The following PIK3C3 variants were observed in gnomAD, a reference collection of about 807,000 sequenced individuals.
PIK3C3 encodes PI3-kinase type 3.
In PIK3C3, 95 loss-of-function variants were observed where a neutral mutation model predicts 126.1. The observed-to-expected ratio is 0.75, with a 90% CI of 0.64 to 0.89. The LOEUF is 0.89. Among genes scored for constraint, PIK3C3 ranks in the 40% least tolerant of loss-of-function variants. The probability of loss-of-function intolerance (pLI) is 0.00; values close to 1 mark genes in which losing one functional copy is unlikely to be tolerated. For missense variants in PIK3C3, 829 were observed against 1,063.2 expected (o/e 0.78, Z 3.06); for synonymous variants, 374 against 360.0 (o/e 1.04, Z -0.44).
rs532991361 is a variant in PIK3C3 at position 42,023,477 on chromosome 18, A to C, written c.1484+2772A>C. On this transcript the variant is annotated intron_variant, in intron 13 of 24. Coordinates refer to ENST00000262039, the MANE Select transcript of PIK3C3 (RefSeq NM_002647.4). ...GTCTTATAAACATTCAATCAAACTT[A>C]GATTTGATTTGTGTTTTCCCACTAT... Among the ~76,000 whole-genome samples, 8 of 152,328 alleles carry C rather than the reference A, an allele frequency of 5.3e-5. No individual in the cohort carries two copies. In the South Asian group the frequency reaches 1.7e-3, roughly 32 times the overall value.
At chr18:42,036,010 C>G (rs1984033406) in intron 16 of PIK3C3, among the ~76,000 whole-genome samples, 1 of 152,056 alleles carries the variant, frequency 6.6e-6, no homozygotes, top group Admixed American at 6.6e-5. Flanking sequence ...CGTATTGAAT[C>G]TCAAAAAAGA....
At chr18:41,986,703 C>G (rs560581804) in intron 4 of PIK3C3, among the ~76,000 whole-genome samples, 1 of 152,130 alleles carries the variant, frequency 6.6e-6, no homozygotes, top group Admixed American at 6.6e-5. Flanking sequence ...TCCACCAGAG[C>G]CACCACGATA....
intron 4 of PIK3C3, among the ~76,000 whole-genome samples, chr18:41,983,110 G>T (rs1196903854): frequency 1.3e-5 from 2 of 152,052 alleles, no homozygotes; most frequent in Non-Finnish European, 2.9e-5. Flanking sequence ...CAGTCATAAG[G>T]TATTACTTTC....
intron 22 of PIK3C3, among the ~76,000 whole-genome samples, chr18:42,063,860 C>T (rs958715246): frequency 3.3e-5 from 5 of 152,118 alleles, no homozygotes; most frequent in African/African-American, 1.2e-4. Context: ...TTTACTGAAA[C>T]AGCTAAAACC....
intron 3 of PIK3C3, among the ~76,000 whole-genome samples, chr18:41,967,912 C>T (rs937663678): frequency 2.6e-5 from 4 of 152,202 alleles, no homozygotes; most frequent in Admixed American, 2.6e-4. Flanking sequence ...GAAGGAGATC[C>T]TGCTGTGCTG....
At chr18:41,987,954 A>G (rs1192719176) in intron 5 of PIK3C3, 56 bp downstream of exon 5, 18 of 1,058,086 alleles carry the variant, frequency 1.7e-5, no homozygotes, top group Non-Finnish European at 2.2e-5. Context: ...TTAAATTAAC[A>G]ATTTTTTGAT....
intron 10 of PIK3C3, among the ~76,000 whole-genome samples, chr18:42,010,431 T>C (rs963822055): frequency 6.6e-6 from 1 of 152,192 alleles, no homozygotes; most frequent in Non-Finnish European, 1.5e-5. Context: ...AGTGGCATGA[T>C]CTTGGCTTAC....
intron 15 of PIK3C3, among the ~76,000 whole-genome samples, chr18:42,033,557 G>C: frequency 6.6e-6 from 1 of 152,174 alleles, no homozygotes; most frequent in East Asian, 1.9e-4. Context: ...TTCTTTGTCA[G>C]CTTTAGCAAG....
At chr18:41,989,417 A>T (rs1367780398) in intron 5 of PIK3C3, among the ~76,000 whole-genome samples, 1 of 152,156 alleles carries the variant, frequency 6.6e-6, no homozygotes, top group African/African-American at 2.4e-5. Flanking sequence ...GGTCAAGGCT[A>T]ATCACCCGCT....
In PIK3C3 at chr18:42,032,150, G is replaced by A. The variant is rs113838586; in HGVS notation, c.1708-1676G>A. Among the ~76,000 whole-genome samples, 57 of 152,274 alleles carry A rather than the reference G, an allele frequency of 3.7e-4. 1 individual carries two copies. Among genetic ancestry groups the A allele is most frequent in the Admixed American group, 2.0e-3 (31 of 15,304 alleles). ...CCTGAAGCATGTAAGAGAGCAAGCC[G>A]GTCTTCTGGAGAAGATTGTTCCAGC... On this transcript the variant is annotated intron_variant, in intron 15 of 24. Coordinates refer to ENST00000262039, the MANE Select transcript of PIK3C3 (RefSeq NM_002647.4).
intron 4 of PIK3C3, among the ~76,000 whole-genome samples, chr18:41,977,599 T>G (rs1980990187): frequency 6.6e-6 from 1 of 152,058 alleles, no homozygotes; most frequent in African/African-American, 2.4e-5. Flanking sequence ...AGCGATTCTC[T>G]GCCTCAGCCT....
Position 42,029,530 on chromosome 18 carries a change from G to A in PIK3C3, c.1707+89G>A, listed in dbSNP as rs574173838. Reference sequence around the variant, plus strand: ...CACTATTGTCTTTTTGGGTTGATACGTGAATTTTTTTTTTTTTTTTTTTTT... The same window carrying A: ...CACTATTGTCTTTTTGGGTTGATACATGAATTTTTTTTTTTTTTTTTTTTT... On this transcript the variant is annotated intron_variant, in intron 15 of 24. Transcript: ENST00000262039. 92 of 406,228 alleles carry A rather than the reference G, an allele frequency of 2.3e-4. No homozygotes were observed. In the East Asian group the frequency reaches 3.4e-3, roughly 15 times the overall value. The allele number at this position is 406,228 out of a possible 1,614,324, so 25.2% of individuals were successfully genotyped here.
At chr18:42,079,944 TGA>T (rs1304867011) in intron 24 of PIK3C3, among the ~76,000 whole-genome samples, 17 of 102,492 alleles carry the variant, frequency 1.7e-4, no homozygotes, top group African/African-American at 6.5e-4. Context: ...CCCCAACTTT[TGA>T]GTGTGTGTGT....
rs773736969 is a variant in PIK3C3, at chr18:41,970,313, C to T, written c.402-14C>T. On this transcript the variant is annotated splice_polypyrimidine_tract_variant and intron_variant, in intron 3 of 24. Coordinates refer to ENST00000262039, the MANE Select transcript of PIK3C3 (RefSeq NM_002647.4). ...TTAATTTACTTCTACCCTGAACATT[C>T]TCTTTTTCCCTAGCATGTTTCGCCA... 2.5e-6 allele frequency: 4 copies of T among 1,611,408 alleles called. No homozygotes were observed. The highest frequency in any genetic ancestry group is 3.4e-6 in the Non-Finnish European group (4 of 1,177,658).
intron 4 of PIK3C3, among the ~76,000 whole-genome samples, chr18:41,974,367 C>T (rs565799827): frequency 3.9e-5 from 6 of 152,144 alleles, no homozygotes; most frequent in Admixed American, 2.0e-4. Context: ...ATGAATTTAG[C>T]GGAATTAACC....
rs546975177 is a variant in PIK3C3, at chr18:41,990,336, G to A, written c.619-123G>A. On this transcript the variant is annotated intron_variant, in intron 5 of 24. Transcript: ENST00000262039. ...CATGTATATAATAAAATAAAAATGT[G>A]TTATGTTTTGACTTGTATTTGATAG... The A allele has an allele frequency of 1.3e-4, 83 of 645,228 alleles. 1 individual carries two copies. The highest frequency in any genetic ancestry group is 1.2e-3 in the African/African-American group (64 of 54,418). 40.0% of individuals were successfully genotyped at this position (645,228 alleles called of 1,614,324 possible).
chr18:42,073,483 C>T (rs1985860172), intron 24 of PIK3C3, among the ~76,000 whole-genome samples: 1 of 152,188 alleles, frequency 6.6e-6, no homozygotes, highest in African/African-American at 2.4e-5. Flanking sequence ...AAAAGTGTTT[C>T]AGTTATCAAG....
At chr18:42,076,428 T>C (rs1325603253) in intron 24 of PIK3C3, among the ~76,000 whole-genome samples, 2 of 151,930 alleles carry the variant, frequency 1.3e-5, no homozygotes, top group Non-Finnish European at 2.9e-5. Context: ...GTAAGTGTGA[T>C]ATATAAAGGA....
At chr18:41,972,106 G>A (rs1438598749) in intron 4 of PIK3C3, among the ~76,000 whole-genome samples, 3 of 151,988 alleles carry the variant, frequency 2.0e-5, no homozygotes, top group Admixed American at 2.0e-4. Context: ...GTAGCACAAC[G>A]TTAATAGTAT....
Sources: gnomAD v4.1 joint callset for allele counts (sites outside exome capture counted in the v4.1 genomes callset) on GRCh38, gnomAD v4.1.1 for gene constraint, MANE v1.5 for transcripts, NCBI Gene and HGNC (gene_info 2026-07-23, HGNC 2026-07-21) for gene names.